Variants in RBFOX1 observed in about 807,000 individuals in gnomAD.
RBFOX1 encodes RNA binding fox-1 homolog 1.
RBFOX1 carries 8 observed loss-of-function variants against 57.7 expected under a neutral mutation model. That is an observed-to-expected ratio of 0.14 (90% CI 0.08 to 0.25). The LOEUF (loss-of-function observed/expected upper bound fraction) is 0.25, where lower values mean the gene tolerates loss of function less well. Among genes scored for constraint, RBFOX1 ranks in the 10% least tolerant of loss-of-function variants. RBFOX1 has a pLI of 1.00. For missense variants in RBFOX1, 611 were observed against 548.5 expected, an observed-to-expected ratio of 1.11 and a Z score of -1.14; for synonymous variants, 326 against 222.4, an observed-to-expected ratio of 1.47 and a Z score of -4.15.
chr16:5,500,795 C>G (rs573379822), intron 2 of RBFOX1, among the ~76,000 whole-genome samples: 47 of 152,330 alleles, frequency 3.1e-4, no homozygotes, highest in African/African-American at 1.1e-3. Context: ...ACAGTTGACT[C>G]AGAGGCTAAC....
chr16:6,016,860 A>C (rs1420397590), upstream of RBFOX1, among the ~76,000 whole-genome samples: 1 of 152,194 alleles, frequency 6.6e-6, no homozygotes, highest in Non-Finnish European at 1.5e-5. Context: ...GAAAGAAACT[A>C]ATACTTTCCA....
chr16:6,006,228 G>A lies in RBFOX1; in HGVS notation c.351+138893G>A, dbSNP rs562698220. Among the ~76,000 whole-genome samples the A allele has an allele frequency of 3.9e-5, 6 of 152,304 alleles. No homozygotes were observed. The East Asian group carries it at 5.8e-4, about 15-fold the overall frequency. On this transcript the variant is annotated intron_variant, in intron 4 of 19. Transcript: ENST00000641259. ...CCTTCTCAGACCAGATAGTTCAGGT[G>A]GGGTTGAATCTGTACTCTGGTTCCA... is the stretch of plus-strand genomic sequence containing the variant.
At chr16:7,142,891 C>T (rs749202334) in intron 4 of RBFOX1, among the ~76,000 whole-genome samples, 4 of 149,042 alleles carry the variant, frequency 2.7e-5, no homozygotes, top group Non-Finnish European at 5.9e-5. Context: ...TTAATATCAT[C>T]TGCAGACACA....
At chr16:6,101,940 C>G (rs948010529) in intron 1 of RBFOX1, among the ~76,000 whole-genome samples, 1 of 152,044 alleles carries the variant, frequency 6.6e-6, no homozygotes, top group Non-Finnish European at 1.5e-5. Context: ...CTGCAGTAGG[C>G]CTGGCTCTCG....
chr16:6,258,450 G>T (rs1378782925), intron 1 of RBFOX1, among the ~76,000 whole-genome samples: 9 of 152,146 alleles, frequency 5.9e-5, no homozygotes, highest in African/African-American at 2.2e-4. Flanking sequence ...ACATGAGCAT[G>T]AGTGCATGTA....
intron 13 of RBFOX1, chr16:7,671,453 A>G: frequency 8.9e-7 from 1 of 1,122,062 alleles, no homozygotes; most frequent in Non-Finnish European, 1.3e-6. Context: ...GTAAGAGAGA[A>G]GCAAACTTGT....
intron 2 of RBFOX1, among the ~76,000 whole-genome samples, chr16:6,480,338 C>G (rs893074370): frequency 6.6e-6 from 1 of 152,248 alleles, no homozygotes; most frequent in Non-Finnish European, 1.5e-5. Flanking sequence ...TTTAGACTTC[C>G]TGGGCCACTT....
chr16:5,328,259 A>C (rs1299807782), intron 1 of RBFOX1, among the ~76,000 whole-genome samples: 1 of 152,152 alleles, frequency 6.6e-6, no homozygotes, highest in East Asian at 1.9e-4. Flanking sequence ...CCCCTAATCC[A>C]ATCTGATCAG....
intron 2 of RBFOX1, among the ~76,000 whole-genome samples, chr16:5,598,167 G>C (rs9927917): frequency 6.6e-6 from 1 of 151,548 alleles, no homozygotes; most frequent in Non-Finnish European, 1.5e-5. Context: ...GTGTGGTGGC[G>C]GGTGCCTATA....
At chr16:7,100,506 T>C (rs1429601089) in intron 4 of RBFOX1, among the ~76,000 whole-genome samples, 1 of 151,952 alleles carries the variant, frequency 6.6e-6, no homozygotes, top group Admixed American at 6.6e-5. Context: ...ATACAAATTA[T>C]CTCATAAACA....
At chr16:6,223,287 C>G (rs1213556003) in intron 1 of RBFOX1, among the ~76,000 whole-genome samples, 1 of 151,018 alleles carries the variant, frequency 6.6e-6, no homozygotes, top group Non-Finnish European at 1.5e-5. Flanking sequence ...CTGACTTCCA[C>G]AATGGTTGAA....
At chr16:7,145,808 T>C (rs2074843774) in intron 4 of RBFOX1, among the ~76,000 whole-genome samples, 1 of 152,182 alleles carries the variant, frequency 6.6e-6, no homozygotes, top group Non-Finnish European at 1.5e-5. Flanking sequence ...TCTGTTTGTG[T>C]TCCCGCACAC....
intron 4 of RBFOX1, among the ~76,000 whole-genome samples, chr16:7,206,145 C>G (rs1251352498): frequency 1.3e-5 from 2 of 152,140 alleles, no homozygotes; most frequent in Admixed American, 6.6e-5. Flanking sequence ...ATCTTGTACA[C>G]ACAGTAATAT....
At chr16:7,417,117 C>G (rs1449987566) in intron 4 of RBFOX1, among the ~76,000 whole-genome samples, 2 of 152,016 alleles carry the variant, frequency 1.3e-5, no homozygotes, top group Admixed American at 1.3e-4. Context: ...CACCTGTAAT[C>G]CCAGCACTTT....
intron 4 of RBFOX1, among the ~76,000 whole-genome samples, chr16:7,395,035 T>C (rs960679402): frequency 9.9e-5 from 15 of 152,198 alleles, no homozygotes; most frequent in African/African-American, 3.6e-4. Flanking sequence ...AGGTGTATAA[T>C]AAGTTTGCCG....
chr16:7,486,150 T>C (rs796200732), intron 4 of RBFOX1, among the ~76,000 whole-genome samples: 72 of 112,492 alleles, frequency 6.4e-4, no homozygotes, highest in South Asian at 2.0e-3. Context: ...TGAGATGGAG[T>C]CTTGCTTTGT....
intron 3 of RBFOX1, among the ~76,000 whole-genome samples, chr16:5,841,229 C>T (rs991961032): frequency 7.2e-5 from 11 of 152,136 alleles, no homozygotes; most frequent in African/African-American, 1.9e-4. Context: ...GATGAAGAAA[C>T]GGAAGCATGA....
intron 14 of RBFOX1, among the ~76,000 whole-genome samples, chr16:7,684,395 C>G (rs936025548): frequency 1.3e-5 from 2 of 152,024 alleles, no homozygotes; most frequent in Non-Finnish European, 2.9e-5. Flanking sequence ...GAAGGAGTAA[C>G]TAGTCACTTT....
chr16:7,354,403 G>C (rs1210047234), intron 4 of RBFOX1, among the ~76,000 whole-genome samples: 1 of 152,102 alleles, frequency 6.6e-6, no homozygotes, highest in Non-Finnish European at 1.5e-5. Context: ...TGTATTCAAG[G>C]CCTGTTTTCC....
Sources: allele counts gnomAD v4.1 joint callset (sites outside exome capture counted in the v4.1 genomes callset), GRCh38; gene constraint gnomAD v4.1.1; transcripts MANE v1.5; gene names NCBI Gene and HGNC (gene_info 2026-07-23, HGNC 2026-07-21).